The following SLC4A10 variants were observed in gnomAD, a reference collection of about 807,000 sequenced individuals.
The protein encoded by SLC4A10 is solute carrier family 4 member 10, also known as sodium-driven chloride bicarbonate exchanger.
A neutral mutation model predicts 137.7 loss-of-function variants in SLC4A10; 42 were observed. The ratio of observed to expected loss-of-function variants is 0.30; its 90% confidence interval spans 0.24 to 0.39. The LOEUF is 0.39. Among genes scored for constraint, SLC4A10 ranks in the 10% least tolerant of loss-of-function variants. SLC4A10 has a pLI of 1.00. For missense variants in SLC4A10, 925 were observed against 1,355.0 expected, an observed-to-expected ratio of 0.68 and a Z score of 4.98; for synonymous variants, 474 against 464.1, an observed-to-expected ratio of 1.02 and a Z score of -0.27.
chr2:161,925,239 T>C (rs1180080844), intron 15 of SLC4A10, among the ~76,000 whole-genome samples: 3 of 152,204 alleles, frequency 2.0e-5, no homozygotes, highest in East Asian at 1.9e-4. Context: ...GTTATTGGTC[T>C]ATTCAGAGAT....
intron 3 of SLC4A10, among the ~76,000 whole-genome samples, chr2:161,827,860 C>T (rs1361023355): frequency 2.0e-5 from 3 of 152,156 alleles, no homozygotes; most frequent in African/African-American, 7.2e-5. Context: ...CCCCCGCGCC[C>T]GGCCAATATT....
chr2:161,733,538 G>A (rs1446305601), intron 1 of SLC4A10, among the ~76,000 whole-genome samples: 1 of 152,244 alleles, frequency 6.6e-6, no homozygotes. Context: ...GGGCTCTCAT[G>A]GAGTACCTTT....
chr2:161,844,178 AG>A (rs971602301), intron 4 of SLC4A10, among the ~76,000 whole-genome samples: 2 of 152,114 alleles, frequency 1.3e-5, no homozygotes, highest in Non-Finnish European at 2.9e-5. Context: ...GAGGCAAAGC[AG>A]GGGGTAGCGT....
intron 1 of SLC4A10, among the ~76,000 whole-genome samples, chr2:161,679,429 C>T (rs147468290): frequency 1.2e-3 from 176 of 152,068 alleles, no homozygotes; most frequent in Non-Finnish European, 2.0e-3. Context: ...CTAGTCCTTG[C>T]CCTCAATGAT....
At chr2:161,686,203 T>C (rs1346472662) in intron 1 of SLC4A10, among the ~76,000 whole-genome samples, 2 of 152,240 alleles carry the variant, frequency 1.3e-5, no homozygotes, top group East Asian at 1.9e-4. Context: ...AAACCACTTT[T>C]ATAAACAATC....
intron 10 of SLC4A10, 144 bp downstream of exon 10, chr2:161,882,588 C>T (rs1048683698): frequency 4.2e-6 from 2 of 474,046 alleles, no homozygotes; most frequent in Non-Finnish European, 7.4e-6. Flanking sequence ...ATAAAATCTC[C>T]TTTAGAAAAA....
chr2:161,666,125 G>T (rs1427481328), intron 1 of SLC4A10, among the ~76,000 whole-genome samples: 1 of 151,106 alleles, frequency 6.6e-6, no homozygotes, highest in African/African-American at 2.4e-5. Context: ...AAAAGGACAG[G>T]TATCATACAT....
chr2:161,811,161 G>A (rs531922321), intron 3 of SLC4A10, among the ~76,000 whole-genome samples: 84 of 152,128 alleles, frequency 5.5e-4, no homozygotes, highest in Non-Finnish European at 8.5e-4. Context: ...TTGCACAGAG[G>A]TGTTCATAAT....
At chr2:161,912,524 C>G (rs1259519768) in intron 15 of SLC4A10, among the ~76,000 whole-genome samples, 3 of 152,040 alleles carry the variant, frequency 2.0e-5, no homozygotes, top group East Asian at 3.9e-4. Context: ...AAATACCTCA[C>G]CACAGACACT....
At chr2:161,854,060 G>C (rs2059971209) in intron 4 of SLC4A10, among the ~76,000 whole-genome samples, 1 of 152,120 alleles carries the variant, frequency 6.6e-6, no homozygotes, top group Non-Finnish European at 1.5e-5. Flanking sequence ...TGCTTGGAGA[G>C]AGAAATTGGG....
intron 15 of SLC4A10, among the ~76,000 whole-genome samples, chr2:161,932,220 T>C (rs1690532950): frequency 1.3e-5 from 2 of 152,176 alleles, no homozygotes; most frequent in Admixed American, 1.3e-4. Flanking sequence ...GGTTCAGATA[T>C]GTATGAGCAG....
At chr2:161,873,524 A>C (rs2061266713) in intron 7 of SLC4A10, among the ~76,000 whole-genome samples, 1 of 129,992 alleles carries the variant, frequency 7.7e-6, no homozygotes, top group African/African-American at 2.9e-5. Context: ...GAGTGAGACC[A>C]CATCTCAAAA....
intron 6 of SLC4A10, among the ~76,000 whole-genome samples, chr2:161,865,098 A>G (rs181875603): frequency 8.7e-4 from 133 of 152,266 alleles, no homozygotes; most frequent in Middle Eastern, 3.4e-3. Flanking sequence ...TTGCATTTTG[A>G]ACTAGTTAAA....
At chr2:161,634,376 G>GT (rs1000269787) in intron 1 of SLC4A10, among the ~76,000 whole-genome samples, 8 of 151,696 alleles carry the variant, frequency 5.3e-5, no homozygotes, top group African/African-American at 1.5e-4. Context: ...GGTATCTTCT[G>GT]TTTTTTTCCC....
intron 1 of SLC4A10, among the ~76,000 whole-genome samples, chr2:161,703,430 G>C (rs1239356763): frequency 3.3e-5 from 5 of 151,404 alleles, no homozygotes; most frequent in African/African-American, 1.2e-4. Flanking sequence ...TATCATTTTA[G>C]GTGTATATTA....
chr2:161,916,882 T>A (rs72865276), intron 15 of SLC4A10, among the ~76,000 whole-genome samples: 2,203 of 152,338 alleles, frequency 0.014, 20 homozygotes, highest in Non-Finnish European at 0.022. Flanking sequence ...TATAATTTAC[T>A]TATCTTTTTA....
intron 1 of SLC4A10, among the ~76,000 whole-genome samples, chr2:161,689,187 TA>T: frequency 6.6e-6 from 1 of 152,288 alleles, no homozygotes; most frequent in East Asian, 1.9e-4. Context: ...GAAAGAGTTT[TA>T]AAAATAAATT....
chr2:161,853,271 A>G (rs1436876809), intron 4 of SLC4A10, among the ~76,000 whole-genome samples: 1 of 152,170 alleles, frequency 6.6e-6, no homozygotes, highest in Non-Finnish European at 1.5e-5. Flanking sequence ...GTCCATCATG[A>G]ATCATTGGGG....
At chr2:161,668,362 CT>C (rs1280580781) in intron 1 of SLC4A10, among the ~76,000 whole-genome samples, 4 of 151,696 alleles carry the variant, frequency 2.6e-5, no homozygotes, top group African/African-American at 7.3e-5. Flanking sequence ...ATCTGGAGAG[CT>C]TTCATGTAGA....
Sources: allele counts gnomAD v4.1 joint callset (sites outside exome capture counted in the v4.1 genomes callset), GRCh38; gene constraint gnomAD v4.1.1; transcripts MANE v1.5; gene names NCBI Gene and HGNC (gene_info 2026-07-23, HGNC 2026-07-21).